The following NRXN3 variants were observed in gnomAD, a reference collection of about 807,000 sequenced individuals.
NRXN3 encodes the protein neurexin 3.
In NRXN3, 32 loss-of-function variants were observed where a neutral mutation model predicts 137.6. The observed-to-expected ratio is 0.23, with a 90% confidence interval of 0.18 to 0.31. The LOEUF (loss-of-function observed/expected upper bound fraction) is 0.31. Among genes scored for constraint, NRXN3 ranks in the 10% least tolerant of loss-of-function variants. The pLI, the probability that NRXN3 is intolerant of heterozygous loss-of-function variation, is 1.00. For missense variants in NRXN3, 1,574 were observed against 2,062.5 expected (o/e 0.76, Z 4.59); for synonymous variants, 798 against 784.5 (o/e 1.02, Z -0.29).
chr14:79,002,221 T>C (rs1251028167), intron 15 of NRXN3, among the ~76,000 whole-genome samples: 3 of 152,194 alleles, frequency 2.0e-5, no homozygotes, highest in Non-Finnish European at 4.4e-5. Context: ...ATGTATTTTT[T>C]ATTTTTAGTT....
chr14:79,038,936 T>G (rs1326951915), intron 15 of NRXN3, among the ~76,000 whole-genome samples: 1 of 152,158 alleles, frequency 6.6e-6, no homozygotes, highest in African/African-American at 2.4e-5. Flanking sequence ...AGCCCTGGAA[T>G]GCCATCTTTA....
chr14:78,195,001 A>C (rs148511285), intron 1 of NRXN3, among the ~76,000 whole-genome samples: 129 of 152,320 alleles, frequency 8.5e-4, no homozygotes, highest in African/African-American at 2.9e-3. Flanking sequence ...CAGACATTTC[A>C]GAGGTGTTAA....
intron 4 of NRXN3, among the ~76,000 whole-genome samples, chr14:78,414,137 A>G (rs1020513886): frequency 6.6e-5 from 10 of 152,142 alleles, no homozygotes; most frequent in South Asian, 2.1e-4. Context: ...TAAATTACCC[A>G]GTCTTGGGTA....
intron 15 of NRXN3, among the ~76,000 whole-genome samples, chr14:79,342,513 T>A (rs1449183637): frequency 6.6e-6 from 1 of 152,154 alleles, no homozygotes; most frequent in Non-Finnish European, 1.5e-5. Context: ...TTTTTTTTCC[T>A]TTGGCTTCCC....
intron 16 of NRXN3, among the ~76,000 whole-genome samples, chr14:79,528,118 G>A (rs1266663790): frequency 3.3e-5 from 5 of 152,100 alleles, no homozygotes; most frequent in Non-Finnish European, 7.3e-5. Context: ...TTCATCCTAT[G>A]GAAATAGTCA....
At chr14:78,637,130 C>A (rs2097574218) in intron 4 of NRXN3, among the ~76,000 whole-genome samples, 1 of 152,122 alleles carries the variant, frequency 6.6e-6, no homozygotes, top group South Asian at 2.1e-4. Flanking sequence ...CTGCTAATTC[C>A]CCATCCCCAG....
intron 4 of NRXN3, among the ~76,000 whole-genome samples, chr14:78,515,578 C>A (rs2096192087): frequency 6.6e-6 from 1 of 151,906 alleles, no homozygotes; most frequent in South Asian, 2.1e-4. Context: ...ATGAAAACTA[C>A]CTTTTGCCTT....
chr14:78,465,306 A>C (rs2095065045), intron 4 of NRXN3, among the ~76,000 whole-genome samples: 1 of 152,202 alleles, frequency 6.6e-6, no homozygotes, highest in Non-Finnish European at 1.5e-5. Context: ...GTATTAAATA[A>C]ATTATGGAAA....
At chr14:78,997,611 A>G (rs190155137) in intron 15 of NRXN3, among the ~76,000 whole-genome samples, 1 of 152,238 alleles carries the variant, frequency 6.6e-6, no homozygotes, top group Non-Finnish European at 1.5e-5. Context: ...TGTTCTTTTC[A>G]TTTATTTTTC....
chr14:79,243,614 C>G (rs1012218614), intron 15 of NRXN3, among the ~76,000 whole-genome samples: 4 of 152,088 alleles, frequency 2.6e-5, no homozygotes, highest in Non-Finnish European at 4.4e-5. Context: ...TGTGTACTCA[C>G]ACAAATCTAG....
At chr14:79,469,069 T>C (rs2096465869) in intron 16 of NRXN3, among the ~76,000 whole-genome samples, 1 of 152,234 alleles carries the variant, frequency 6.6e-6, no homozygotes, top group Admixed American at 6.5e-5. Context: ...TTAATGACTA[T>C]TTCATGGCAG....
intron 19 of NRXN3, among the ~76,000 whole-genome samples, chr14:79,739,575 C>T (rs888615916): frequency 1.0e-4 from 13 of 127,956 alleles, no homozygotes; most frequent in East Asian, 5.3e-4. Context: ...ACCCAGGAGG[C>T]GGAGGTTGCA....
intron 15 of NRXN3, among the ~76,000 whole-genome samples, chr14:79,215,401 G>A (rs61143946): frequency 2.6e-5 from 4 of 151,676 alleles, no homozygotes; most frequent in Non-Finnish European, 4.4e-5. Context: ...GTGTGTGTGT[G>A]TATATATATA....
chr14:78,694,009 C>T (rs576058530), intron 6 of NRXN3, among the ~76,000 whole-genome samples: 2 of 152,120 alleles, frequency 1.3e-5, no homozygotes, highest in East Asian at 1.9e-4. Context: ...CTTTTACCTT[C>T]CTATTTCAAA....
intron 4 of NRXN3, among the ~76,000 whole-genome samples, chr14:78,474,613 T>A (rs1428071521): frequency 6.6e-6 from 1 of 152,070 alleles, no homozygotes; most frequent in Non-Finnish European, 1.5e-5. Context: ...TAAAAATAAG[T>A]TCCTGGTTGC....
rs544066060 is a variant in NRXN3 at position 79,142,913 on chromosome 14, G to A, written c.3262+154772G>A. 5.3e-5 allele frequency among the ~76,000 whole-genome samples: 8 copies of A among 152,302 alleles called. No individual in the cohort carries two copies. The East Asian group carries it at 1.5e-3, about 29-fold the overall frequency. On this transcript the variant is annotated intron_variant, in intron 15 of 20. Coordinates refer to ENST00000335750, the MANE Select transcript of NRXN3 (RefSeq NM_001330195.2). ...AGGGAGGAGGCAGAAGATTAACTTG[G>A]ATAGATGGGTTGATAACTGTAGCCA...
intron 10 of NRXN3, among the ~76,000 whole-genome samples, chr14:78,893,677 T>A (rs564696784): frequency 3.4e-4 from 51 of 151,942 alleles, no homozygotes; most frequent in Non-Finnish European, 6.6e-4. Flanking sequence ...CACTCCAGGA[T>A]CTTTGTTACA....
Position 79,816,936 on chromosome 14 carries a change from G to A in NRXN3, c.4093+11746G>A, listed in dbSNP as rs1568346804. ...TCTGTAAAAGAGTTTGAGAGGCCTG[G>A]GAATTAAAAAGGAAAGTGTTGCAGC... On this transcript the variant is annotated intron_variant, in intron 20 of 20. Transcript: ENST00000335750. Among the ~76,000 whole-genome samples the A allele has an allele frequency of 1.3e-5, 2 of 152,130 alleles. 1 individual carries two copies. Among genetic ancestry groups the A allele is most frequent in the African/African-American group, 4.8e-5 (2 of 41,412 alleles).
At chr14:78,486,525 G>T (rs2095561562) in intron 4 of NRXN3, among the ~76,000 whole-genome samples, 1 of 152,134 alleles carries the variant, frequency 6.6e-6, no homozygotes, top group African/African-American at 2.4e-5. Flanking sequence ...GAGAGTCCGT[G>T]TATAGAAATT....
Sources: gnomAD v4.1 joint callset for allele counts (sites outside exome capture counted in the v4.1 genomes callset) on GRCh38, gnomAD v4.1.1 for gene constraint, MANE v1.5 for transcripts, NCBI Gene and HGNC (gene_info 2026-07-23, HGNC 2026-07-21) for gene names.